NTRK2: variants seen among roughly 807,000 people sequenced by gnomAD.
NTRK2 encodes BDNF/NT-3 growth factors receptor.
NTRK2 carries 13 observed loss-of-function variants against 94.5 expected under a neutral mutation model. The ratio of observed to expected loss-of-function variants is 0.14; its 90% confidence interval spans 0.09 to 0.22. NTRK2 has a LOEUF of 0.22. NTRK2 is among the 10% of genes least tolerant of loss of function. The pLI is 1.00. For synonymous variants in NTRK2, 372 were observed against 407.4 expected (o/e 0.91, Z 1.05); for missense variants, 639 against 1,071.2 (o/e 0.60, Z 5.63).
chr9:84,998,045 A>G (rs887570671), intron 17 of NTRK2, among the ~76,000 whole-genome samples: 2 of 152,148 alleles, frequency 1.3e-5, no homozygotes. Flanking sequence ...CTCCTTGTTG[A>G]TGCTGAGATA....
chr9:84,709,232 A>G (rs1472744172), intron 5 of NTRK2, among the ~76,000 whole-genome samples: 1 of 152,252 alleles, frequency 6.6e-6, no homozygotes, highest in East Asian at 1.9e-4. Context: ...AGTAAGCTGG[A>G]GAAAGAAGCC....
intron 17 of NTRK2, among the ~76,000 whole-genome samples, chr9:85,006,168 A>G (rs1454656132): frequency 7.2e-5 from 11 of 152,260 alleles, no homozygotes; most frequent in Non-Finnish European, 1.0e-4. Context: ...TAAAAATACT[A>G]TAATAGCTTT....
At chr9:84,931,578 G>C (rs569919057) in intron 14 of NTRK2, among the ~76,000 whole-genome samples, 2 of 152,166 alleles carry the variant, frequency 1.3e-5, no homozygotes, top group South Asian at 4.1e-4. Context: ...CTGCTTTCAA[G>C]GTCAACGTGG....
chr9:84,741,716 C>T (rs748681238), intron 9 of NTRK2, among the ~76,000 whole-genome samples, 176 bp from the exon 10 acceptor site: 12 of 152,108 alleles, frequency 7.9e-5, no homozygotes, highest in Non-Finnish European at 1.3e-4. Flanking sequence ...GGGAGGGGAA[C>T]GGAGTTAATG....
At chr9:84,873,509 C>G (rs904065260) in intron 14 of NTRK2, 9 of 1,058,996 alleles carry the variant, frequency 8.5e-6, no homozygotes, top group African/African-American at 6.6e-5. Context: ...CACGGCCCCC[C>G]CATTGCTAGC....
At chr9:84,823,124 G>A (rs2072957920) in intron 12 of NTRK2, among the ~76,000 whole-genome samples, 1 of 151,972 alleles carries the variant, frequency 6.6e-6, no homozygotes, top group African/African-American at 2.4e-5. Context: ...GGCTGGGCAA[G>A]TCAACATTTT....
intron 17 of NTRK2, among the ~76,000 whole-genome samples, chr9:84,967,829 G>A (rs1825730396): frequency 1.3e-5 from 2 of 152,236 alleles, no homozygotes; most frequent in Non-Finnish European, 2.9e-5. Flanking sequence ...GGGGTTAAGG[G>A]CGTGGAGGGA....
Position 85,021,000 on chromosome 9 carries a change from G to A in NTRK2, c.2332-252G>A, listed in dbSNP as rs1338268906. Among the ~76,000 whole-genome samples, 33 of 152,138 alleles carry A rather than the reference G, an allele frequency of 2.2e-4. 1 individual carries two copies. The highest frequency in any genetic ancestry group is 2.2e-3 in the Admixed American group (33 of 15,288). On this transcript the variant is annotated intron_variant, in intron 18 of 18. Transcript: ENST00000277120. ...GTGGGAGCTCCAGTGTGAGGTTTGG[G>A]ACCATTCCATATAAATTATTTTTCC...
chr9:84,975,640 G>T (rs1826748843), intron 17 of NTRK2, among the ~76,000 whole-genome samples: 1 of 152,176 alleles, frequency 6.6e-6, no homozygotes, highest in Non-Finnish European at 1.5e-5. Flanking sequence ...TTAGGTCTCA[G>T]TCTGTTTATC....
chr9:84,862,030 C>G (rs1282644313), intron 13 of NTRK2, among the ~76,000 whole-genome samples: 1 of 152,182 alleles, frequency 6.6e-6, no homozygotes, highest in Non-Finnish European at 1.5e-5. Context: ...CACTGTCTGT[C>G]CAGTGATCCA....
chr9:84,871,813 C>A, intron 14 of NTRK2: 1 of 1,613,726 alleles, frequency 6.2e-7, no homozygotes, highest in Non-Finnish European at 8.5e-7. Context: ...CCCAAGACCG[C>A]CTGATAATAA....
At position 84,888,981 on chromosome 9, in the gene NTRK2, A is replaced by C. The variant is rs1433806697; in HGVS notation, c.1633+21550A>C. ...TTCCCCATTATTTATTAATGACAGA[A>C]ATTTTTTTTTTTTTTTTTTTTTTTT... On this transcript the variant is annotated intron_variant, in intron 14 of 18. Transcript: ENST00000277120. Among the ~76,000 whole-genome samples, 11 of 82,912 alleles carry C rather than the reference A, an allele frequency of 1.3e-4. 3 individuals carry two copies. Among genetic ancestry groups the C allele is most frequent in the East Asian group, 3.4e-4 (1 of 2,904 alleles). 54.4% of individuals were successfully genotyped at this position (82,912 alleles called of 152,430 possible). A position where few individuals can be genotyped will look rare whatever the true frequency, so the allele number is the denominator to read the frequency against.
chr9:84,915,960 T>C (rs1369902534), intron 14 of NTRK2, among the ~76,000 whole-genome samples: 1 of 152,068 alleles, frequency 6.6e-6, no homozygotes, highest in East Asian at 1.9e-4. Flanking sequence ...TTTGGGATAA[T>C]GAGGTTGATA....
intron 9 of NTRK2, among the ~76,000 whole-genome samples, chr9:84,729,116 C>T (rs1004269534): frequency 1.3e-5 from 2 of 152,208 alleles, no homozygotes; most frequent in African/African-American, 4.8e-5. Context: ...GCCCCCCCAC[C>T]AGCAAAGGTG....
At chr9:84,807,268 A>G (rs1415452848) in intron 12 of NTRK2, among the ~76,000 whole-genome samples, 1 of 149,034 alleles carries the variant, frequency 6.7e-6, no homozygotes, top group Non-Finnish European at 1.5e-5. Flanking sequence ...AGCCAATGAT[A>G]AAAAAGCAGA....
At chr9:84,805,771 C>A (rs1187273) in intron 12 of NTRK2, among the ~76,000 whole-genome samples, 114,824 of 152,056 alleles carry the variant, frequency 0.76, 43,878 homozygotes, top group East Asian at 0.88. Context: ...TCATTCATGG[C>A]TCAGTGGATT....
At chr9:84,983,876 C>T (rs1289038667) in intron 17 of NTRK2, among the ~76,000 whole-genome samples, 1 of 152,200 alleles carries the variant, frequency 6.6e-6, no homozygotes, top group Non-Finnish European at 1.5e-5. Flanking sequence ...TCTAGGGTCA[C>T]ACCCTGTCTG....
chr9:84,783,180 C>T (rs1467890456), intron 12 of NTRK2, among the ~76,000 whole-genome samples: 4 of 152,184 alleles, frequency 2.6e-5, no homozygotes, highest in African/African-American at 9.6e-5. Context: ...TTTAGAAGAA[C>T]TGTGAAGGGT....
At chr9:84,950,418 AC>A (rs1179526986) in intron 16 of NTRK2, among the ~76,000 whole-genome samples, 4 of 152,274 alleles carry the variant, frequency 2.6e-5, no homozygotes, top group Non-Finnish European at 5.9e-5. Context: ...ATTATCATGA[AC>A]CTAAAGAGTA....
Sources: allele counts gnomAD v4.1 joint callset (sites outside exome capture counted in the v4.1 genomes callset), GRCh38; gene constraint gnomAD v4.1.1; transcripts MANE v1.5; gene names NCBI Gene and HGNC (gene_info 2026-07-23, HGNC 2026-07-21).